TIGAR: variants seen among roughly 807,000 people sequenced by gnomAD.
The protein encoded by TIGAR is fructose-2,6-bisphosphatase TIGAR.
A neutral mutation model predicts 17.9 loss-of-function variants in TIGAR; 7 were observed. That is an observed-to-expected ratio of 0.39 (90% CI 0.22 to 0.73). TIGAR has a LOEUF of 0.73. TIGAR is among the 30% of genes least tolerant of loss of function. The probability of loss-of-function intolerance (pLI) is 0.42; values close to 1 mark genes in which losing one functional copy is unlikely to be tolerated. For missense variants in TIGAR, 258 were observed against 327.4 expected (o/e 0.79, Z 1.64); for synonymous variants, 94 against 108.6 (o/e 0.87, Z 0.84).
chr12:4,332,066 C>T (rs929306520), intron 2 of TIGAR, among the ~76,000 whole-genome samples: 2 of 152,136 alleles, frequency 1.3e-5, no homozygotes, highest in South Asian at 2.1e-4. Context: ...ATCCTCTGGA[C>T]TGAAGCCTCT....
At position 4,353,654 on chromosome 12, in the gene TIGAR, G is replaced by A. The variant is rs1864862640; in HGVS notation, c.*963G>A. ...ATTCTAGACCAGCCTGGCCAACAAT[G>A]GTGAAACCCTGTCTCTACTACAAAT... On this transcript the variant is annotated 3_prime_UTR_variant, in exon 6 of 6. Coordinates refer to ENST00000179259, the MANE Select transcript of TIGAR (RefSeq NM_020375.3). 1 of 152,280 alleles carries A rather than the reference G, an allele frequency of 6.6e-6. No individual in the cohort carries two copies. The highest frequency in any genetic ancestry group is 2.4e-5 in the African/African-American group (1 of 41,434). 9.4% of individuals were successfully genotyped at this position (152,280 alleles called of 1,614,324 possible).
chr12:4,338,111 G>A (rs774832788), intron 3 of TIGAR, among the ~76,000 whole-genome samples: 1 of 150,734 alleles, frequency 6.6e-6, no homozygotes, highest in African/African-American at 2.4e-5. Context: ...GGGCTACAGA[G>A]CAAGACTCTT....
chr12:4,352,975 G>A lies in TIGAR; in HGVS notation c.*284G>A. On this transcript the variant is annotated 3_prime_UTR_variant, in exon 6 of 6. Transcript: ENST00000179259. ...AGGAACTCAGCATTGAAAGTTGGGG[G>A]ATTAGTAACCTTGTTACAACGGTTT... 1 of 369,308 alleles carries A rather than the reference G, an allele frequency of 2.7e-6. No individual in the cohort carries two copies. Among genetic ancestry groups the A allele is most frequent in the Non-Finnish European group, 4.9e-6 (1 of 205,266 alleles). The allele number at this position is 369,308 out of a possible 1,614,324, so 22.9% of individuals were successfully genotyped here.
Position 4,327,148 on chromosome 12 carries a change from C to G in TIGAR, c.33-4132C>G, listed in dbSNP as rs138530887. On this transcript the variant is annotated intron_variant, in intron 1 of 5. Coordinates refer to ENST00000179259, the MANE Select transcript of TIGAR (RefSeq NM_020375.3). ...ACATGGCCAGGCGCAGTAGCTCGCACCTATAATCCCAGCACTTTGGGAGGC... is the reference window on the plus strand; with the variant it reads ...ACATGGCCAGGCGCAGTAGCTCGCAGCTATAATCCCAGCACTTTGGGAGGC... Among the ~76,000 whole-genome samples, 871 of 152,220 alleles carry G rather than the reference C, an allele frequency of 5.7e-3. 9 individuals are homozygous for G. Among genetic ancestry groups the G allele is most frequent in the African/African-American group, 0.02 (819 of 41,536 alleles).
intron 2 of TIGAR, among the ~76,000 whole-genome samples, chr12:4,334,746 G>T (rs1376673562): frequency 6.6e-6 from 1 of 152,028 alleles, no homozygotes; most frequent in Non-Finnish European, 1.5e-5. Flanking sequence ...GGCTTCAGTC[G>T]GTACACACTT....
At chr12:4,344,350 A>G (rs535308467) in intron 3 of TIGAR, among the ~76,000 whole-genome samples, 21 of 152,318 alleles carry the variant, frequency 1.4e-4, no homozygotes, top group Non-Finnish European at 2.9e-4. Flanking sequence ...CAATAGAAAA[A>G]GAGGGAATCC....
chr12:4,336,293 G>T (rs1864656949), intron 2 of TIGAR, among the ~76,000 whole-genome samples: 1 of 152,132 alleles, frequency 6.6e-6, no homozygotes, highest in South Asian at 2.1e-4. Context: ...GTCCCCTCCA[G>T]CAGGCCTCCT....
chr12:4,332,444 A>T (rs1414603461), intron 2 of TIGAR, among the ~76,000 whole-genome samples: 1 of 151,964 alleles, frequency 6.6e-6, no homozygotes, highest in Non-Finnish European at 1.5e-5. Context: ...GTGTTTTGCC[A>T]TGTTGGCCAG....
At chr12:4,325,766 C>A (rs1208810112) in intron 1 of TIGAR, among the ~76,000 whole-genome samples, 5 of 148,872 alleles carry the variant, frequency 3.4e-5, no homozygotes, top group Non-Finnish European at 4.5e-5. Context: ...AAAAGAAAGA[C>A]CACCAAAAGT....
chr12:4,356,339 T>G lies in TIGAR; in HGVS notation c.*3648T>G, dbSNP rs993226530. On this transcript the variant is annotated 3_prime_UTR_variant, in exon 6 of 6. Transcript: ENST00000179259. Reference sequence around the variant, plus strand: ...ATAGATCTCTCATTTTGCCTGAGTCTTTTATGCAATGATATTTTATTTGTA... The same window carrying G: ...ATAGATCTCTCATTTTGCCTGAGTCGTTTATGCAATGATATTTTATTTGTA... Among the ~76,000 whole-genome samples the G allele has an allele frequency of 2.7e-5, 4 of 150,224 alleles. No homozygotes were observed. In the East Asian group the frequency reaches 7.7e-4, roughly 29 times the overall value.
chr12:4,357,914 T>A lies in TIGAR; in HGVS notation c.*5223T>A, dbSNP rs375567035. 6.6e-6 allele frequency among the ~76,000 whole-genome samples: 1 copy of A among 150,858 alleles called. No individual in the cohort carries two copies. The highest frequency in any genetic ancestry group is 2.0e-4 in the East Asian group (1 of 5,082). On this transcript the variant is annotated 3_prime_UTR_variant, in exon 6 of 6. Coordinates refer to ENST00000179259, the MANE Select transcript of TIGAR (RefSeq NM_020375.3). ...GTCAGGAGATAGAGACCATCCTGGCTAACACAGTGAAACCTCGTCTCCACT... is the reference window on the plus strand; with the variant it reads ...GTCAGGAGATAGAGACCATCCTGGCAAACACAGTGAAACCTCGTCTCCACT...
chr12:4,328,560 G>T (rs977232147), intron 1 of TIGAR, among the ~76,000 whole-genome samples: 1 of 151,058 alleles, frequency 6.6e-6, no homozygotes, highest in Non-Finnish European at 1.5e-5. Flanking sequence ...TTTTACCAAG[G>T]TATAAATAGT....
At chr12:4,350,878 A>G (rs1342012389) in intron 4 of TIGAR, among the ~76,000 whole-genome samples, 3 of 152,136 alleles carry the variant, frequency 2.0e-5, no homozygotes, top group Non-Finnish European at 4.4e-5. Flanking sequence ...TAGCTATTTC[A>G]TGGTGCTGTC....
Position 4,359,077 on chromosome 12 carries a change from T to TA in TIGAR, c.*6386_*6387insA, listed in dbSNP as rs2120711859. On this transcript the variant is annotated 3_prime_UTR_variant, in exon 6 of 6. Coordinates refer to ENST00000179259, the MANE Select transcript of TIGAR (RefSeq NM_020375.3). ...TCCTCATTAAATTTGCAACTACTCT[T>TA]TTAGCCTTTATTGTTTATTTTCTGA... 6.8e-6 allele frequency among the ~76,000 whole-genome samples: 1 copy of TA among 147,612 alleles called. No individual in the cohort carries two copies. Among genetic ancestry groups the TA allele is most frequent in the South Asian group, 2.2e-4 (1 of 4,556 alleles).
chr12:4,351,568 T>C (rs1197960059), intron 5 of TIGAR, among the ~76,000 whole-genome samples, 191 bp downstream of exon 5: 1 of 152,238 alleles, frequency 6.6e-6, no homozygotes, highest in African/African-American at 2.4e-5. Flanking sequence ...TCATTATTGA[T>C]AATGGACTTA....
chr12:4,324,306 A>ACCATCCATTT, intron 1 of TIGAR: 1 of 699,784 alleles, frequency 1.4e-6, no homozygotes, highest in Non-Finnish European at 2.5e-6. Flanking sequence ...CCCCGGCAAA[A>ACCATCCATTT]CCATCCATTT....
rs1864670012 is a variant in TIGAR at position 4,337,235 on chromosome 12, CTG to C, written c.192+77_192+78del. 3.7e-6 allele frequency: 4 copies of C among 1,082,206 alleles called. No individual in the cohort carries two copies. The East Asian group carries it at 1.1e-4, about 29-fold the overall frequency. The allele number at this position is 1,082,206 out of a possible 1,614,324, so 67.0% of individuals were successfully genotyped here. A position where few individuals can be genotyped will look rare whatever the true frequency, so the allele number is the denominator to read the frequency against. ...AGGCTGGAGTGCAGTGGTGCAGTCTCTGTTCACTGCAACCTCCATCTCCCGGG... is the reference window on the plus strand; with the variant it reads ...AGGCTGGAGTGCAGTGGTGCAGTCTCTTCACTGCAACCTCCATCTCCCGGG... On this transcript the variant is annotated intron_variant, in intron 3 of 5. Coordinates refer to ENST00000179259, the MANE Select transcript of TIGAR (RefSeq NM_020375.3).
intron 3 of TIGAR, among the ~76,000 whole-genome samples, chr12:4,343,134 CAAAGGCCATTACAT>C (rs1039641577): frequency 6.6e-6 from 1 of 151,752 alleles, no homozygotes; most frequent in African/African-American, 2.4e-5. Flanking sequence ...TCAGAAGAGA[CAAAGGCCATTACAT>C]AATGGTAAAG....
chr12:4,350,962 T>C (rs540595665), intron 4 of TIGAR, among the ~76,000 whole-genome samples: 6 of 152,284 alleles, frequency 3.9e-5, no homozygotes, highest in Admixed American at 1.3e-4. Flanking sequence ...TAATCTCTAG[T>C]CCTATAATCT....
Sources: allele counts gnomAD v4.1 joint callset (sites outside exome capture counted in the v4.1 genomes callset), GRCh38; gene constraint gnomAD v4.1.1; transcripts MANE v1.5; gene names NCBI Gene and HGNC (gene_info 2026-07-23, HGNC 2026-07-21).